CDH13: variants seen among roughly 807,000 people sequenced by gnomAD.
CDH13 encodes the protein cadherin 13.
CDH13 carries 24 observed loss-of-function variants against 63.8 expected under a neutral mutation model. The ratio of observed to expected loss-of-function variants is 0.38; its 90% CI spans 0.27 to 0.53. The LOEUF is 0.53. Ranked by LOEUF, CDH13 falls within the 20% of genes least tolerant of loss-of-function variation. The pLI is 0.85. For missense variants in CDH13, 1,049 were observed against 903.1 expected, an observed-to-expected ratio of 1.16 and a Z score of -2.07; for synonymous variants, 503 against 355.3, an observed-to-expected ratio of 1.42 and a Z score of -4.67.
chr16:82,678,337 C>G (rs112927637), intron 1 of CDH13, among the ~76,000 whole-genome samples: 2 of 110,628 alleles, frequency 1.8e-5, no homozygotes, highest in East Asian at 3.9e-4. Context: ...TTTTTTTTAG[C>G]TCTGAAAGCT....
At chr16:82,788,969 C>G (rs1470508408) in intron 1 of CDH13, among the ~76,000 whole-genome samples, 1 of 152,200 alleles carries the variant, frequency 6.6e-6, no homozygotes, top group Non-Finnish European at 1.5e-5. Flanking sequence ...GGCTGAATCC[C>G]CTACTAGGCC....
At chr16:82,830,170 A>G (rs562984973) in intron 1 of CDH13, among the ~76,000 whole-genome samples, 34 of 152,346 alleles carry the variant, frequency 2.2e-4, no homozygotes, top group African/African-American at 7.9e-4. Context: ...CATTCTGTCC[A>G]CGTGTGAAAC....
rs16958705 is a variant in CDH13, at chr16:82,827,323, A to T, written c.46-31039A>T. ...AATGTATTGTTTGGCCATAAGAGGG[A>T]TTTAGGTACTGGATCTAGAGGCATT... is the stretch of plus-strand genomic sequence containing the variant. On this transcript the variant is annotated intron_variant, in intron 1 of 13. Transcript: ENST00000567109. 8.4e-3 allele frequency among the ~76,000 whole-genome samples: 1,274 copies of T among 152,122 alleles called. 21 individuals carry two copies. Among genetic ancestry groups the T allele is most frequent in the African/African-American group, 0.029 (1,208 of 41,492 alleles).
chr16:83,407,021 C>T (rs1327286454), intron 6 of CDH13, among the ~76,000 whole-genome samples: 2 of 152,206 alleles, frequency 1.3e-5, no homozygotes, highest in Admixed American at 1.3e-4. Flanking sequence ...CTGATGAAAG[C>T]TGAATTTTCT....
intron 6 of CDH13, among the ~76,000 whole-genome samples, chr16:83,352,884 C>T (rs761049527): frequency 3.3e-5 from 5 of 152,022 alleles, no homozygotes; most frequent in Admixed American, 6.6e-5. Flanking sequence ...AGCGAGACTC[C>T]GTCTCAAAAA....
intron 2 of CDH13, among the ~76,000 whole-genome samples, chr16:83,031,526 AG>A (rs891067900): frequency 6.6e-6 from 1 of 151,516 alleles, no homozygotes; most frequent in African/African-American, 2.4e-5. Context: ...TTTGCTATTT[AG>A]CCCTCATCCC....
At chr16:83,003,192 G>T (rs1018780202) in intron 2 of CDH13, among the ~76,000 whole-genome samples, 3 of 152,164 alleles carry the variant, frequency 2.0e-5, no homozygotes, top group African/African-American at 7.2e-5. Flanking sequence ...GTCTTGATAA[G>T]CCCAGCTGGC....
intron 6 of CDH13, among the ~76,000 whole-genome samples, chr16:83,366,138 C>A (rs974788717): frequency 2.0e-5 from 3 of 152,132 alleles, no homozygotes; most frequent in Non-Finnish European, 4.4e-5. Context: ...CTTTTCACAA[C>A]AAAATAACAG....
At chr16:82,750,129 G>C (rs1010258738) in intron 1 of CDH13, among the ~76,000 whole-genome samples, 3 of 152,148 alleles carry the variant, frequency 2.0e-5, no homozygotes, top group African/African-American at 7.2e-5. Context: ...AAGTTGAGCG[G>C]GGTGCTTTTG....
intron 4 of CDH13, among the ~76,000 whole-genome samples, chr16:83,205,764 C>G (rs759359416): frequency 6.6e-6 from 1 of 151,822 alleles, no homozygotes; most frequent in Non-Finnish European, 1.5e-5. Context: ...ACCACCACAC[C>G]CAGTTAATTT....
intron 1 of CDH13, among the ~76,000 whole-genome samples, chr16:82,721,048 T>C (rs575581590): frequency 8.5e-5 from 13 of 152,356 alleles, no homozygotes; most frequent in African/African-American, 3.1e-4. Flanking sequence ...TTATACATAA[T>C]GGAAGTATAA....
intron 6 of CDH13, among the ~76,000 whole-genome samples, chr16:83,406,888 A>T (rs987657377): frequency 1.3e-5 from 2 of 152,244 alleles, no homozygotes; most frequent in African/African-American, 4.8e-5. Context: ...TTTGAAAGAG[A>T]TAATGTATAC....
At chr16:83,076,661 C>G (rs1436715985) in intron 3 of CDH13, among the ~76,000 whole-genome samples, 1 of 151,926 alleles carries the variant, frequency 6.6e-6, no homozygotes, top group Non-Finnish European at 1.5e-5. Flanking sequence ...ACAGTCCCTG[C>G]CTCTATACAT....
At chr16:83,544,903 T>A (rs1349681759) in intron 7 of CDH13, among the ~76,000 whole-genome samples, 2 of 152,186 alleles carry the variant, frequency 1.3e-5, no homozygotes, top group Non-Finnish European at 2.9e-5. Context: ...TGTTAGTTCT[T>A]CTCCCCGTTA....
At chr16:83,542,725 CCT>C (rs1226194495) in intron 7 of CDH13, among the ~76,000 whole-genome samples, 1 of 152,206 alleles carries the variant, frequency 6.6e-6, no homozygotes, top group Admixed American at 6.5e-5. Flanking sequence ...CCACTCCAGT[CCT>C]CTGTCTTTAC....
intron 4 of CDH13, among the ~76,000 whole-genome samples, chr16:83,151,347 C>G (rs1340975920): frequency 6.6e-6 from 1 of 152,168 alleles, no homozygotes; most frequent in Non-Finnish European, 1.5e-5. Flanking sequence ...CATATTTGTG[C>G]TGCTTCTTCT....
At chr16:83,687,709 C>T (rs1196713922) in intron 10 of CDH13, among the ~76,000 whole-genome samples, 2 of 152,168 alleles carry the variant, frequency 1.3e-5, no homozygotes, top group Non-Finnish European at 2.9e-5. Flanking sequence ...AAACCAATCC[C>T]AGGAAGGGTA....
chr16:83,313,823 G>C (rs1244083193), intron 5 of CDH13, among the ~76,000 whole-genome samples: 1 of 152,120 alleles, frequency 6.6e-6, no homozygotes, highest in Non-Finnish European at 1.5e-5. Context: ...TGAAATATGT[G>C]CTGTTTTGAA....
intron 4 of CDH13, among the ~76,000 whole-genome samples, chr16:83,129,252 A>C (rs1024208643): frequency 2.0e-5 from 3 of 152,204 alleles, no homozygotes; most frequent in African/African-American, 7.2e-5. Context: ...TGTCTAAGTC[A>C]GGACACCTCT....
Sources: gnomAD v4.1 joint callset for allele counts (sites outside exome capture counted in the v4.1 genomes callset) on GRCh38, gnomAD v4.1.1 for gene constraint, MANE v1.5 for transcripts, NCBI Gene and HGNC (gene_info 2026-07-23, HGNC 2026-07-21) for gene names.